Variants in DUOX2 observed in about 807,000 individuals in gnomAD.
The protein encoded by DUOX2 is NADH/NADPH thyroid oxidase p138-tox.
In DUOX2, 185 loss-of-function variants were observed where a neutral mutation model predicts 183.3. The observed-to-expected ratio is 1.01, with a 90% CI of 0.90 to 1.14. The LOEUF (loss-of-function observed/expected upper bound fraction) is 1.14. Ranked by LOEUF, DUOX2 falls within the 50% of genes most tolerant of loss-of-function variation. The probability of loss-of-function intolerance (pLI) is 0.00; values close to 1 mark genes in which losing one functional copy is unlikely to be tolerated. For missense variants in DUOX2, 1,999 were observed against 2,022.9 expected, an observed-to-expected ratio of 0.99 and a Z score of 0.23; for synonymous variants, 788 against 812.4, an observed-to-expected ratio of 0.97 and a Z score of 0.51.
At chr15:45,100,010 G>C in intron 24 of DUOX2, 40 bp downstream of exon 24, 1 of 1,613,876 alleles carries the variant, frequency 6.2e-7, no homozygotes, top group Non-Finnish European at 8.5e-7. Context: ...AAGGGTCAGA[G>C]CCTGCTCCCT....
At chr15:45,096,294 C>T (rs1893899024) in intron 29 of DUOX2, among the ~76,000 whole-genome samples, 2 of 152,168 alleles carry the variant, frequency 1.3e-5, no homozygotes, top group Admixed American at 6.5e-5. Context: ...TCTCTACTCC[C>T]TCTTCCCATG....
At chr15:45,102,352 A>G (rs269865) in intron 20 of DUOX2, among the ~76,000 whole-genome samples, 151,618 of 152,250 alleles carry the variant, frequency 1, 75,498 homozygotes, top group Middle Eastern at 1. Context: ...TCACCCCTGG[A>G]TTCCCCCTTT....
At position 45,105,678 on chromosome 15, in the gene DUOX2, T is replaced by C. The variant is rs749661423; in HGVS notation, c.2299A>G (p.Ile767Val). 11 of 1,614,092 alleles carry C rather than the reference T, an allele frequency of 6.8e-6. No homozygotes were observed. Among genetic ancestry groups the C allele is most frequent in the African/African-American group, 4.0e-5 (3 of 74,926 alleles). ...AGGTGTCTGAAGAAGATCTCCAGGA[T>C]GCGTTCCCGCTGCTGCTTTGTCACA... is the stretch of plus-strand genomic sequence containing the variant. Reference protein sequence around the residue: ...KAVTKQQRERILEIFFRHLFA... With the variant: ...KAVTKQQRERVLEIFFRHLFA... Residue 767 changes from isoleucine (I) to valine (V), a missense_variant, in exon 18 of 34, where the codon ATC (isoleucine) becomes GTC (valine). Ile to Val is a conservative substitution (Grantham distance 29, BLOSUM62 3). This residue lies in a region of DUOX2 where 1,628 missense variants were observed against 1,608.6 expected (regional missense o/e 1.01). Transcript: ENST00000389039.
intron 3 of DUOX2, 25 bp from the exon 4 acceptor site, chr15:45,112,743 T>A: frequency 6.2e-7 from 1 of 1,609,514 alleles, no homozygotes; most frequent in Non-Finnish European, 8.5e-7. Flanking sequence ...AGCGGGGCTC[T>A]GTCTAAGCAC....
In DUOX2 at chr15:45,101,790, C is replaced by T. The variant is rs758704586; in HGVS notation, c.2851+3G>A. On this transcript the variant is annotated splice_donor_region_variant and intron_variant, in intron 21 of 33. Transcript: ENST00000389039. ...TGACGCCAACCATTCCTCACACACT[C>T]ACCATTTCCACCTCCACCTCCACCT... 1 of 1,614,208 alleles carries T rather than the reference C, an allele frequency of 6.2e-7. No homozygotes were observed. The highest frequency in any genetic ancestry group is 2.2e-5 in the East Asian group (1 of 44,886).
At chr15:45,112,508 A>C in intron 4 of DUOX2, 46 bp downstream of exon 4, 1 of 1,603,110 alleles carries the variant, frequency 6.2e-7, no homozygotes, top group Non-Finnish European at 8.5e-7. Flanking sequence ...CCCCAGGCTG[A>C]GCAGAGCGCC....
rs538388978 is a variant in DUOX2 at position 45,107,170 on chromosome 15, T to A, written c.1693+175A>T. ...CATCCACCCCTTCTTGACTGTAGGG[T>A]GTAGCTTGTGTGCTAGTTGAGGTCC... On this transcript the variant is annotated intron_variant, in intron 14 of 33. Coordinates refer to ENST00000389039, the MANE Select transcript of DUOX2 (RefSeq NM_001363711.2). Among the ~76,000 whole-genome samples the A allele has an allele frequency of 9.9e-5, 15 of 152,252 alleles. No individual in the cohort carries two copies. In the East Asian group the frequency reaches 2.3e-3, roughly 24 times the overall value.
chr15:45,094,521 G>A (rs1433290704), intron 33 of DUOX2, 42 bp downstream of exon 33: 1 of 1,588,720 alleles, frequency 6.3e-7, no homozygotes, highest in Non-Finnish European at 8.6e-7. Context: ...TGTCCTGGCA[G>A]GAGAAGGCCA....
In DUOX2 at chr15:45,108,183, A is replaced by C. The variant is rs1894277386; in HGVS notation, c.1438T>G (p.Ser480Ala). ...ATAALYNQDL[S>A]QLELLLGGLL... is the part of the protein sequence containing the mutation. ...CCCCCAAGGAGCAGCTCTAGCTGGG[A>C]TAGGTCCTGGTTGTACAGGGCAGCT... is the stretch of plus-strand genomic sequence containing the variant. The change falls in exon 13 of 34, where the codon TCC becomes GCC. Residue 480 changes from serine to alanine, a missense_variant. By Grantham distance (99) the Ser-to-Ala change is moderately conservative. Transcript: ENST00000389039. 6 of 1,614,204 alleles carry C rather than the reference A, an allele frequency of 3.7e-6. No homozygotes were observed. The East Asian group carries it at 1.3e-4, about 36-fold the overall frequency.
intron 20 of DUOX2, among the ~76,000 whole-genome samples, chr15:45,102,362 T>G (rs1467035429): frequency 7.9e-5 from 12 of 152,252 alleles, no homozygotes; most frequent in African/African-American, 2.9e-4. Flanking sequence ...ATTCCCCCTT[T>G]CATAGTCCAG....
Position 45,100,160 on chromosome 15 carries a change from G to T in DUOX2, c.3074C>A (p.Ala1025Asp). ...LQEKMQRGFL[A>D]QKLQQYKRFV... ...GCGCTTGTACTGCTGCAGCTTTTGG[G>T]CTAGGAAGCCTCGCTGCATCTTCTC... The change falls in exon 24 of 34, where the codon GCC becomes GAC. Residue 1025 changes from alanine to aspartate, a missense_variant. Transcript: ENST00000389039. The T allele has an allele frequency of 6.2e-7, 1 of 1,614,170 alleles. No individual in the cohort carries two copies. Among genetic ancestry groups the T allele is most frequent in the South Asian group, 1.1e-5 (1 of 91,078 alleles).
chr15:45,103,998 A>T lies in DUOX2; in HGVS notation c.2616T>A (p.Asn872Lys). 1 of 1,614,184 alleles carries T rather than the reference A, an allele frequency of 6.2e-7. No individual in the cohort carries two copies. Among genetic ancestry groups the T allele is most frequent in the South Asian group, 1.1e-5 (1 of 91,080 alleles). The change falls in exon 20 of 34, where the codon AAT becomes AAA. Residue 872 changes from asparagine (N) to lysine (K), a missense_variant. By Grantham distance (94) the Asn-to-Lys change is moderately conservative. Around this residue, in one of 3 missense-constraint regions of DUOX2, gnomAD observed 1,628 missense variants for 1,608.6 expected, o/e 1.01. Coordinates refer to ENST00000389039, the MANE Select transcript of DUOX2 (RefSeq NM_001363711.2). The part of the protein sequence containing the change: ...LMFTMYDLDE[N>K]GFLSKDEFFT... ...AGAATTCGTCCTTGGAGAGGAAGCC[A>T]TTCTCATCCAGGTCATACATGGTAA...
rs541215209 is a variant in DUOX2 at position 45,113,285 on chromosome 15, C to T, written c.70+57G>A. 8 of 1,541,252 alleles carry T rather than the reference C, an allele frequency of 5.2e-6. No homozygotes were observed. The South Asian group carries it at 7.1e-5, about 14-fold the overall frequency. On this transcript the variant is annotated intron_variant, in intron 2 of 33. Coordinates refer to ENST00000389039, the MANE Select transcript of DUOX2 (RefSeq NM_001363711.2). ...GAGCCGCTTGCCGCACCTCTCCCCG[C>T]CCCACCTCCCAGGGATCCTGGGGAA...
At chr15:45,105,436 G>A (rs927678019) in intron 18 of DUOX2, among the ~76,000 whole-genome samples, 5 of 152,228 alleles carry the variant, frequency 3.3e-5, no homozygotes, top group African/African-American at 1.2e-4. Flanking sequence ...TTTTATAGAT[G>A]AGGAAACAGA....
chr15:45,108,721 T>C, intron 12 of DUOX2, 68 bp downstream of exon 12: 3 of 1,519,288 alleles, frequency 2.0e-6, no homozygotes, highest in Non-Finnish European at 2.7e-6. Flanking sequence ...TCAACATATG[T>C]AAAGGGTTTG....
Position 45,109,588 on chromosome 15 carries a change from C to G in DUOX2, c.1170G>C (p.Leu390=), listed in dbSNP as rs1314339913. ...AAATCTGGGAGGCCATTCCCAGCAG[C>G]AGCTCATTCACCTCCTGGGTACTGT... ...NLNSTQEVNE[L]LLGMASQISE... is the part of the protein sequence containing the mutation. The change falls in exon 11 of 34, where the codon CTG becomes CTC. Residue 390 remains leucine, a synonymous_variant. Coordinates refer to ENST00000389039, the MANE Select transcript of DUOX2 (RefSeq NM_001363711.2). 4 of 1,614,040 alleles carry G rather than the reference C, an allele frequency of 2.5e-6. No homozygotes were observed. Among genetic ancestry groups the G allele is most frequent in the East Asian group, 4.5e-5 (2 of 44,888 alleles).
intron 22 of DUOX2, 60 bp downstream of exon 22, chr15:45,101,145 C>T: frequency 6.7e-7 from 1 of 1,498,510 alleles, no homozygotes. Flanking sequence ...GTCCTACTCC[C>T]TTCATTTCTC....
At chr15:45,094,315 G>C in intron 33 of DUOX2, 43 bp from the exon 34 acceptor site, 3 of 1,613,682 alleles carry the variant, frequency 1.9e-6, no homozygotes, top group Non-Finnish European at 2.5e-6. Context: ...CAGCCTAAAG[G>C]TGCTCACTCT....
intron 21 of DUOX2, 78 bp from the exon 22 acceptor site, chr15:45,101,352 C>T: frequency 7.8e-7 from 1 of 1,282,638 alleles, no homozygotes; most frequent in Non-Finnish European, 1.1e-6. Flanking sequence ...GCCCTCCTCC[C>T]TTCTGGGAAA....
Sources: allele counts gnomAD v4.1 joint callset (sites outside exome capture counted in the v4.1 genomes callset), GRCh38; gene constraint gnomAD v4.1.1; regional missense constraint gnomAD v4.1.1; transcripts MANE v1.5; gene names NCBI Gene and HGNC (gene_info 2026-07-23, HGNC 2026-07-21).